The following PGGT1B variants were observed in gnomAD, a reference collection of about 807,000 sequenced individuals.
PGGT1B encodes geranylgeranyl transferase type-1 subunit beta.
A neutral mutation model predicts 46.1 loss-of-function variants in PGGT1B; 30 were observed. That is an observed-to-expected ratio of 0.65 (90% CI 0.49 to 0.88). The LOEUF (loss-of-function observed/expected upper bound fraction) is 0.88, where lower values mean the gene tolerates loss of function less well. Ranked by LOEUF, PGGT1B falls within the 40% of genes least tolerant of loss-of-function variation. The probability of loss-of-function intolerance (pLI) is 0.00; values close to 1 mark genes in which losing one functional copy is unlikely to be tolerated. For synonymous variants in PGGT1B, 170 were observed against 160.0 expected, an observed-to-expected ratio of 1.06 and a Z score of -0.47; for missense variants, 376 against 455.9, an observed-to-expected ratio of 0.82 and a Z score of 1.60.
At chr5:115,234,599 C>A (rs1757114954) in intron 5 of PGGT1B, among the ~76,000 whole-genome samples, 2 of 151,960 alleles carry the variant, frequency 1.3e-5, no homozygotes, top group Non-Finnish European at 2.9e-5. Flanking sequence ...AAACAGATAA[C>A]ATAACCATAT....
chr5:115,246,415 T>G (rs1012614854), intron 2 of PGGT1B, among the ~76,000 whole-genome samples: 4 of 152,160 alleles, frequency 2.6e-5, no homozygotes, highest in Admixed American at 2.6e-4. Flanking sequence ...TTGCGGTTTC[T>G]GTCAATATTT....
chr5:115,220,782 G>GT (rs1004035252), intron 7 of PGGT1B, among the ~76,000 whole-genome samples: 14 of 151,606 alleles, frequency 9.2e-5, no homozygotes, highest in Middle Eastern at 3.4e-3. Flanking sequence ...CTAAGGTTCT[G>GT]TTTTTTTTAA....
At chr5:115,220,730 T>A (rs1354589715) in intron 7 of PGGT1B, among the ~76,000 whole-genome samples, 1 of 151,968 alleles carries the variant, frequency 6.6e-6, no homozygotes, top group Non-Finnish European at 1.5e-5. Flanking sequence ...TATTTAATGA[T>A]AATAAGAAAT....
At chr5:115,222,935 A>G (rs532958078) in intron 6 of PGGT1B, among the ~76,000 whole-genome samples, 100 of 152,292 alleles carry the variant, frequency 6.6e-4, no homozygotes, top group Non-Finnish European at 1.3e-3. Context: ...ACCTGGACAC[A>G]GGGTGGGGAA....
intron 2 of PGGT1B, among the ~76,000 whole-genome samples, chr5:115,248,912 T>C (rs143137392): frequency 6.6e-6 from 1 of 152,304 alleles, no homozygotes; most frequent in East Asian, 1.9e-4. Flanking sequence ...AAATAGTAAA[T>C]AATGTATTGC....
intron 6 of PGGT1B, among the ~76,000 whole-genome samples, chr5:115,225,530 T>C (rs1383736477): frequency 6.6e-6 from 1 of 152,214 alleles, no homozygotes; most frequent in Non-Finnish European, 1.5e-5. Flanking sequence ...AAAGAATCCA[T>C]GTCTTCTGAA....
intron 1 of PGGT1B, among the ~76,000 whole-genome samples, chr5:115,258,620 T>C (rs1429947866): frequency 6.6e-6 from 1 of 152,238 alleles, no homozygotes; most frequent in Non-Finnish European, 1.5e-5. Context: ...ATTCTTCTTA[T>C]TGTCCATTTG....
At chr5:115,253,476 A>G (rs1748189885) in intron 1 of PGGT1B, among the ~76,000 whole-genome samples, 1 of 151,986 alleles carries the variant, frequency 6.6e-6, no homozygotes, top group African/African-American at 2.4e-5. Context: ...TTTGGGGGTT[A>G]AGAAACCAAT....
intron 6 of PGGT1B, among the ~76,000 whole-genome samples, chr5:115,227,944 G>A (rs1580754325): frequency 6.6e-6 from 1 of 152,052 alleles, no homozygotes; most frequent in African/African-American, 2.4e-5. Context: ...AATTTATGGA[G>A]GACAACTGGT....
At position 115,208,196 on chromosome 5, in the gene PGGT1B, T is replaced by A. The variant is rs1042816006; in HGVS notation, c.*4206A>T. On this transcript the variant is annotated 3_prime_UTR_variant, in exon 9 of 9. Coordinates refer to ENST00000419445, the MANE Select transcript of PGGT1B (RefSeq NM_005023.4). The stretch of plus-strand genomic sequence containing the variant: ...TTTGGTACCATCTTTGTCAGGTTTT[T>A]GAATCAATGCTATTACATTCATTTT... 5 of 152,072 alleles carry A rather than the reference T, an allele frequency of 3.3e-5. No individual in the cohort carries two copies. Among genetic ancestry groups the A allele is most frequent in the African/African-American group, 1.2e-4 (5 of 41,436 alleles). The allele number at this position is 152,072 out of a possible 1,614,324, so 9.4% of individuals were successfully genotyped here.
At chr5:115,215,359 T>G (rs977530397) in intron 8 of PGGT1B, among the ~76,000 whole-genome samples, 1 of 152,062 alleles carries the variant, frequency 6.6e-6, no homozygotes, top group Non-Finnish European at 1.5e-5. Context: ...AGTGCAGTGG[T>G]GTGACCTTGG....
rs146984665 is a variant in PGGT1B, at chr5:115,208,358, A to G, written c.*4044T>C. On this transcript the variant is annotated 3_prime_UTR_variant, in exon 9 of 9. Transcript: ENST00000419445. ...TTTAATCTTAAAAGGTTTGGTAGAAATCCCCTTGAAACAATCTGGGCTTGA... is the reference window on the plus strand; with the variant it reads ...TTTAATCTTAAAAGGTTTGGTAGAAGTCCCCTTGAAACAATCTGGGCTTGA... The G allele has an allele frequency of 1.1e-3, 167 of 152,116 alleles. 1 individual carries two copies. The highest frequency in any genetic ancestry group is 3.9e-3 in the African/African-American group (163 of 41,554). 9.4% of individuals were successfully genotyped at this position (152,116 alleles called of 1,614,324 possible).
chr5:115,214,325 G>C (rs1206545082), intron 8 of PGGT1B, among the ~76,000 whole-genome samples: 1 of 152,118 alleles, frequency 6.6e-6, no homozygotes, highest in Non-Finnish European at 1.5e-5. Context: ...TTATCTGTAA[G>C]TGGCAACGTA....
At position 115,243,384 on chromosome 5, in the gene PGGT1B, T is replaced by C. The variant is rs183015793; in HGVS notation, c.260-1778A>G. Among the ~76,000 whole-genome samples, 261 of 152,236 alleles carry C rather than the reference T, an allele frequency of 1.7e-3. 2 individuals carry two copies. Among genetic ancestry groups the C allele is most frequent in the African/African-American group, 5.9e-3 (246 of 41,534 alleles). On this transcript the variant is annotated intron_variant, in intron 2 of 8. Transcript: ENST00000419445. ...TATTCCTATTAAAAATAATAATCAG[T>C]AGAACTATGTAGCAACACAGAGAAA... is the stretch of plus-strand genomic sequence containing the variant.
chr5:115,241,592 G>T lies in PGGT1B; in HGVS notation c.274C>A (p.Arg92Ser). 1 of 1,607,156 alleles carries T rather than the reference G, an allele frequency of 6.2e-7. No individual in the cohort carries two copies. The highest frequency in any genetic ancestry group is 8.5e-7 in the Non-Finnish European group (1 of 1,176,090). ...LPTEDRSNLN[R>S]CGFRGSSYLG... is the part of the protein sequence containing the mutation. ...TATGAAGAGCCTCGGAAACCACAGCGATTTAGATTTGATCCTAGAAAATAA... is the reference window on the plus strand; with the variant it reads ...TATGAAGAGCCTCGGAAACCACAGCTATTTAGATTTGATCCTAGAAAATAA... The change falls in exon 3 of 9, where the codon CGC becomes AGC. Residue 92 changes from arginine to serine, a missense_variant. Around this residue, in one of 2 missense-constraint regions of PGGT1B, gnomAD observed 154 missense variants for 142.3 expected, o/e 1.08. Coordinates refer to ENST00000419445, the MANE Select transcript of PGGT1B (RefSeq NM_005023.4).
chr5:115,234,699 A>G (rs1486395897), intron 5 of PGGT1B, among the ~76,000 whole-genome samples: 1 of 151,998 alleles, frequency 6.6e-6, no homozygotes, highest in Non-Finnish European at 1.5e-5. Context: ...AAAAGAACCA[A>G]TGTATTCTGG....
At chr5:115,238,052 G>A (rs1757237651) in intron 3 of PGGT1B, 43 bp from the exon 4 acceptor site, 1 of 1,382,662 alleles carries the variant, frequency 7.2e-7, no homozygotes, top group Non-Finnish European at 9.9e-7. Flanking sequence ...GAAGTGAAAT[G>A]AAAACTTATT....
intron 7 of PGGT1B, among the ~76,000 whole-genome samples, chr5:115,221,454 A>T (rs954762768): frequency 2.6e-5 from 4 of 152,084 alleles, no homozygotes; most frequent in Non-Finnish European, 5.9e-5. Context: ...ATACCTTCCC[A>T]TAAAACCTTT....
At chr5:115,248,673 T>A (rs575246669) in intron 2 of PGGT1B, among the ~76,000 whole-genome samples, 1 of 152,338 alleles carries the variant, frequency 6.6e-6, no homozygotes, top group South Asian at 2.1e-4. Context: ...AATGTCCTTA[T>A]ATGCCAAACG....
Sources: gnomAD v4.1 joint callset for allele counts (sites outside exome capture counted in the v4.1 genomes callset) on GRCh38, gnomAD v4.1.1 for gene constraint, gnomAD v4.1.1 regional missense constraint, MANE v1.5 for transcripts, NCBI Gene and HGNC (gene_info 2026-07-23, HGNC 2026-07-21) for gene names.